CELF2: variants seen among roughly 807,000 people sequenced by gnomAD.
CELF2 encodes CUGBP Elav-like family member 2, also known as CUG triplet repeat RNA-binding protein 2.
A neutral mutation model predicts 62.6 loss-of-function variants in CELF2; 8 were observed. The observed-to-expected ratio is 0.13, with a 90% confidence interval of 0.07 to 0.23. CELF2 has a LOEUF of 0.23. Ranked by LOEUF, CELF2 falls within the 10% of genes least tolerant of loss-of-function variation. The pLI is 1.00. For missense variants in CELF2, 333 were observed against 671.0 expected (o/e 0.50, Z 5.56); for synonymous variants, 258 against 250.0 (o/e 1.03, Z -0.30).
the CELF2 span, among the ~76,000 whole-genome samples, chr10:10,669,899 C>CTTTTTTTTTT: frequency 1.2e-5 from 1 of 84,214 alleles, no homozygotes; most frequent in African/African-American, 4.5e-5. Context: ...TCTTATATGC[C>CTTTTTTTTTT]TTTTTTTTTT....
rs11814976 is a variant in CELF2 at position 11,061,861 on chromosome 10, G to A, written c.74+43698G>A. On this transcript the variant is annotated intron_variant, in intron 1 of 12. Coordinates refer to ENST00000633077, the MANE Select transcript of CELF2 (RefSeq NM_001326342.2). ...AGAGTCTCGCTCTGTCACCTAGGCT[G>A]GAGTGCAGTGGCATGATCTCAGCTC... Among the ~76,000 whole-genome samples the A allele has an allele frequency of 4.9e-3, 747 of 152,344 alleles. 6 individuals are homozygous for A. The highest frequency in any genetic ancestry group is 0.017 in the African/African-American group (726 of 41,580).
intron 1 of CELF2, among the ~76,000 whole-genome samples, chr10:11,076,432 C>T (rs372059816): frequency 6.6e-6 from 1 of 152,216 alleles, no homozygotes; most frequent in South Asian, 2.1e-4. Flanking sequence ...GTAAATGTGG[C>T]CTGAGGGCTT....
At chr10:10,615,796 G>A in the CELF2 span, among the ~76,000 whole-genome samples, 112 of 152,230 alleles carry the variant, frequency 7.4e-4, no homozygotes, top group African/African-American at 2.6e-3. Flanking sequence ...CCAGAAGCCT[G>A]TACAGCCAGG....
chr10:10,520,717 T>C, the CELF2 span, among the ~76,000 whole-genome samples: 1 of 151,408 alleles, frequency 6.6e-6, no homozygotes, highest in Admixed American at 6.6e-5. Context: ...ACAAATACAT[T>C]AGGAACAAGA....
At chr10:10,998,908 C>T (rs1161340935) in intron 2 of CELF2, among the ~76,000 whole-genome samples, 1 of 152,132 alleles carries the variant, frequency 6.6e-6, no homozygotes, top group East Asian at 1.9e-4. Flanking sequence ...CCCTGTTCTA[C>T]CTGCCTGCAG....
the CELF2 span, among the ~76,000 whole-genome samples, chr10:10,537,583 C>T: frequency 5.3e-5 from 8 of 152,094 alleles, no homozygotes; most frequent in Admixed American, 2.6e-4. Context: ...AGGCTTGCTT[C>T]GAATTTGGAA....
chr10:11,206,981 A>C (rs2060586093), intron 2 of CELF2, among the ~76,000 whole-genome samples: 1 of 152,238 alleles, frequency 6.6e-6, no homozygotes, highest in South Asian at 2.1e-4. Context: ...GGGGGAAAAA[A>C]GGATGATGCT....
chr10:10,695,765 C>T, the CELF2 span, among the ~76,000 whole-genome samples: 9 of 152,106 alleles, frequency 5.9e-5, no homozygotes, highest in African/African-American at 1.9e-4. Context: ...TTTCTTCTTC[C>T]ATTGCTGATA....
chr10:10,854,520 G>A (rs1171105425), intron 1 of CELF2, among the ~76,000 whole-genome samples: 1 of 152,090 alleles, frequency 6.6e-6, no homozygotes, highest in Non-Finnish European at 1.5e-5. Flanking sequence ...CCCACTCCGG[G>A]ATCCAAAAAT....
chr10:11,304,511 C>T (rs1166981047), intron 9 of CELF2, among the ~76,000 whole-genome samples: 2 of 152,200 alleles, frequency 1.3e-5, no homozygotes, highest in East Asian at 3.8e-4. Context: ...TGGTGAGGGC[C>T]TTCTTGCTGG....
At chr10:10,495,118 A>C in the CELF2 span, among the ~76,000 whole-genome samples, 1 of 151,892 alleles carries the variant, frequency 6.6e-6, no homozygotes, top group Non-Finnish European at 1.5e-5. Context: ...CTACTAAAAA[A>C]AAAATGCAAA....
chr10:10,707,355 G>A, the CELF2 span, among the ~76,000 whole-genome samples: 2 of 152,130 alleles, frequency 1.3e-5, no homozygotes, highest in African/African-American at 4.8e-5. Flanking sequence ...TTTTTATTAT[G>A]TCAAGCAGGG....
chr10:10,463,751 C>CTGTT, the CELF2 span, among the ~76,000 whole-genome samples: 1 of 152,092 alleles, frequency 6.6e-6, no homozygotes, highest in African/African-American at 2.4e-5. Context: ...TACAATTTCT[C>CTGTT]TGTTTGTTTG....
rs1186349971 is a variant in CELF2 at position 11,197,014 on chromosome 10, A to G, written c.272-20411A>G. Among the ~76,000 whole-genome samples, 18 of 12,900 alleles carry G rather than the reference A, an allele frequency of 1.4e-3. 7 individuals are homozygous for G. Among genetic ancestry groups the G allele is most frequent in the Non-Finnish European group, 2.8e-3 (15 of 5,354 alleles). The allele number at this position is 12,900 out of a possible 152,430, so 8.5% of individuals were successfully genotyped here. Reference sequence around the variant, plus strand: ...GAAAGGAAGGAAGGAGAAAGAAAGAAAGAAAGAAAGAAAAGAAAGAAAGAA... The same window carrying G: ...GAAAGGAAGGAAGGAGAAAGAAAGAGAGAAAGAAAGAAAAGAAAGAAAGAA... On this transcript the variant is annotated intron_variant, in intron 2 of 12. Transcript: ENST00000633077.
At chr10:10,901,716 AAAG>A (rs2062950297) in intron 1 of CELF2, among the ~76,000 whole-genome samples, 1 of 152,194 alleles carries the variant, frequency 6.6e-6, no homozygotes, top group Non-Finnish European at 1.5e-5. Context: ...GAGAATGAAA[AAAG>A]AAGTCACAGA....
the CELF2 span, among the ~76,000 whole-genome samples, chr10:10,500,619 CTT>C: frequency 6.6e-6 from 1 of 152,188 alleles, no homozygotes; most frequent in Non-Finnish European, 1.5e-5. Flanking sequence ...CATTAAACCT[CTT>C]TTTCCTTATA....
At position 11,248,233 on chromosome 10, in the gene CELF2, T is replaced by C. The variant is rs145785200; in HGVS notation, c.355-920T>C. ...AGGTGGTTTGAGGAATTGATTCTAA[T>C]TGGTAATGGTGGCAGCATTGTGTGC... On this transcript the variant is annotated intron_variant, in intron 3 of 12. Transcript: ENST00000633077. Among the ~76,000 whole-genome samples, 641 of 152,290 alleles carry C rather than the reference T, an allele frequency of 4.2e-3. 2 individuals are homozygous for C. The highest frequency in any genetic ancestry group is 0.017 in the Middle Eastern group (5 of 294).
At position 11,309,941 on chromosome 10, in the gene CELF2, G is replaced by A. The variant is rs943969651; in HGVS notation, c.977-4198G>A. 6.6e-6 allele frequency among the ~76,000 whole-genome samples: 1 copy of A among 152,230 alleles called. No homozygotes were observed. Among genetic ancestry groups the A allele is most frequent in the African/African-American group, 2.4e-5 (1 of 41,458 alleles). The stretch of plus-strand genomic sequence containing the variant: ...TGTCTCTCCCTGCTCTGGAGGTGGT[G>A]CAGGGGCAGTGGCCTGCTTTTCTGT... On this transcript the variant is annotated intron_variant, in intron 9 of 12. Coordinates refer to ENST00000633077, the MANE Select transcript of CELF2 (RefSeq NM_001326342.2). The surrounding 1 kb of genome is among the most constrained non-coding windows in gnomAD (Gnocchi z 5.6).
intron 9 of CELF2, 59 bp downstream of exon 9, chr10:11,288,611 TC>T (rs2091916791): frequency 5.6e-6 from 9 of 1,594,286 alleles, no homozygotes; most frequent in Non-Finnish European, 6.0e-6. Context: ...CAGGTAGGTT[TC>T]CGTGCCTCCA....
Sources: gnomAD v4.1 joint callset for allele counts (sites outside exome capture counted in the v4.1 genomes callset) on GRCh38, gnomAD v4.1.1 for gene constraint, Gnocchi (gnomAD v3.1) non-coding constraint, MANE v1.5 for transcripts, NCBI Gene and HGNC (gene_info 2026-07-23, HGNC 2026-07-21) for gene names.